Variants in HMCN2 observed in about 807,000 individuals in gnomAD.
HMCN2 encodes hemicentin 2, also known as hemicentin-2.
Under a neutral mutation model 377.5 loss-of-function variants are expected in HMCN2, and 325 were observed. The observed-to-expected ratio is 0.86, with a 90% CI of 0.79 to 0.94. HMCN2 has a LOEUF of 0.94. HMCN2 is among the 40% of genes least tolerant of loss of function. The pLI, the probability that HMCN2 is intolerant of heterozygous loss-of-function variation, is 0.00. For synonymous variants in HMCN2, 2,007 were observed against 2,046.8 expected (o/e 0.98, Z 0.53); for missense variants, 4,543 against 4,725.3 (o/e 0.96, Z 1.13).
intron 22 of HMCN2, among the ~76,000 whole-genome samples, chr9:130,332,148 A>T (rs1406446142): frequency 1.3e-5 from 2 of 152,116 alleles, no homozygotes; most frequent in African/African-American, 4.8e-5. Flanking sequence ...TGGGGACTGT[A>T]CCTTGGTGGA....
intron 37 of HMCN2, 41 bp downstream of exon 37, chr9:130,359,455 A>G (rs770327765): frequency 4.5e-6 from 5 of 1,114,038 alleles, no homozygotes; most frequent in Middle Eastern, 5.0e-4. Context: ...TTCCAGCCCA[A>G]TTTACTGTCT....
At chr9:130,335,724 C>T (rs1029191057) in intron 22 of HMCN2, among the ~76,000 whole-genome samples, 88 of 152,112 alleles carry the variant, frequency 5.8e-4, no homozygotes, top group Middle Eastern at 3.4e-3. Flanking sequence ...GTCCTTGGCT[C>T]GAGGTCAGCC....
intron 30 of HMCN2, among the ~76,000 whole-genome samples, chr9:130,352,479 G>GT (rs1653732124): frequency 6.6e-6 from 1 of 152,200 alleles, no homozygotes; most frequent in African/African-American, 2.4e-5. Context: ...TGGGAGGGGC[G>GT]TAACCATTCC....
In HMCN2 at chr9:130,433,934, G is replaced by A; in HGVS notation, c.*241G>A. 1 of 443,744 alleles carries A rather than the reference G, an allele frequency of 2.3e-6. No homozygotes were observed. The highest frequency in any genetic ancestry group is 4.5e-5 in the Admixed American group (1 of 22,438). The allele number at this position is 443,744 out of a possible 1,614,324, so 27.5% of individuals were successfully genotyped here. On this transcript the variant is annotated 3_prime_UTR_variant, in exon 98 of 98. Coordinates refer to ENST00000683500, the MANE Select transcript of HMCN2 (RefSeq NM_001291815.2). ...GTGGCCAGTCCCGCAGGCAGGGCCC[G>A]GGGAAGCCCGGATCAGACCTCCAGG...
chr9:130,400,096 C>T (rs59674248), intron 76 of HMCN2, among the ~76,000 whole-genome samples: 1,868 of 152,258 alleles, frequency 0.012, 31 homozygotes, highest in African/African-American at 0.043. Context: ...TTGCCTTTGC[C>T]GGGAACACTC....
Position 130,418,899 on chromosome 9 carries a change from G to A in HMCN2, c.13089G>A (p.Leu4363=). The A allele has an allele frequency of 1.3e-6, 2 of 1,549,686 alleles. No homozygotes were observed. The highest frequency in any genetic ancestry group is 1.7e-6 in the Non-Finnish European group (2 of 1,146,418). Residue 4363 remains leucine (L), a synonymous_variant, in exon 86 of 98, where the codon TTG becomes TTA. Transcript: ENST00000683500. ...AATGGCTACAGGCGGGTCAACCCTTGCGGGCCAGCCGGCGGCTCCGGACCC... is the reference window on the plus strand; with the variant it reads ...AATGGCTACAGGCGGGTCAACCCTTACGGGCCAGCCGGCGGCTCCGGACCC... ...TIEWLQAGQP[L]RASRRLRTLP... is the part of the protein sequence containing the mutation.
chr9:130,305,358 T>TG (rs1168524431), intron 11 of HMCN2, among the ~76,000 whole-genome samples: 1 of 152,036 alleles, frequency 6.6e-6, no homozygotes, highest in African/African-American at 2.4e-5. Context: ...ACTGGAACCT[T>TG]GGGGAAGCTC....
rs574397548 is a variant in HMCN2, at chr9:130,423,471, G to A, written c.13381+745G>A. On this transcript the variant is annotated intron_variant, in intron 87 of 97. Coordinates refer to ENST00000683500, the MANE Select transcript of HMCN2 (RefSeq NM_001291815.2). The surrounding 1 kb of genome is among the most constrained non-coding windows in gnomAD (Gnocchi z 5.5). The stretch of plus-strand genomic sequence containing the variant: ...GCTGTCAGCAGACAGCAGATGAAGC[G>A]AGACGCTGCCCAGACATGGCTGCTT... 5.9e-5 allele frequency among the ~76,000 whole-genome samples: 9 copies of A among 152,358 alleles called. No homozygotes were observed. The South Asian group carries it at 1.0e-3, about 18-fold the overall frequency.
At position 130,356,269 on chromosome 9, in the gene HMCN2, C is replaced by T; in HGVS notation, c.5425+12C>T. On this transcript the variant is annotated intron_variant, in intron 34 of 97. Coordinates refer to ENST00000683500, the MANE Select transcript of HMCN2 (RefSeq NM_001291815.2). Reference sequence around the variant, plus strand: ...GGTGTCTGTGCATGGTGAGTGGGCGCCTGGGGTTCTGGAGCTGTGGGCAGC... The same window carrying T: ...GGTGTCTGTGCATGGTGAGTGGGCGTCTGGGGTTCTGGAGCTGTGGGCAGC... 1 of 1,286,682 alleles carries T rather than the reference C, an allele frequency of 7.8e-7. No individual in the cohort carries two copies. The highest frequency in any genetic ancestry group is 1.3e-5 in the South Asian group (1 of 78,316). The allele number at this position is 1,286,682 out of a possible 1,614,324, so 79.7% of individuals were successfully genotyped here. A position where few individuals can be genotyped will look rare whatever the true frequency, so the allele number is the denominator to read the frequency against.
intron 93 of HMCN2, 23 bp from the exon 94 acceptor site, chr9:130,429,534 C>T: frequency 6.5e-7 from 1 of 1,550,266 alleles, no homozygotes; most frequent in South Asian, 1.2e-5. Flanking sequence ...CTCCCCACCA[C>T]CGACCATGCC....
rs1836730377 is a variant in HMCN2 at position 130,304,587 on chromosome 9, T to G, written c.1544-143T>G. The stretch of plus-strand genomic sequence containing the variant: ...TGGTGAGCAGATGCTGGTCACCCTA[T>G]GCTGCTAGCTGACATGTCCTGAATG... On this transcript the variant is annotated intron_variant, in intron 10 of 97. Transcript: ENST00000683500. The surrounding 1 kb of genome is among the most constrained non-coding windows in gnomAD (Gnocchi z 4.3). 2.8e-6 allele frequency: 1 copy of G among 357,542 alleles called. No individual in the cohort carries two copies. The highest frequency in any genetic ancestry group is 5.6e-6 in the Non-Finnish European group (1 of 177,892). 22.1% of individuals were successfully genotyped at this position (357,542 alleles called of 1,614,324 possible).
At position 130,342,604 on chromosome 9, in the gene HMCN2, T is replaced by C. The variant is rs972352517; in HGVS notation, c.3829+168T>C. ...TCCCATTGTCAACCCTGCAGGATGG[T>C]GTTATTGCCCCTTTTGATTAGGGGC... On this transcript the variant is annotated intron_variant, in intron 25 of 97. Transcript: ENST00000683500. 2.4e-3 allele frequency among the ~76,000 whole-genome samples: 367 copies of C among 152,254 alleles called. 7 individuals carry two copies. The East Asian group carries it at 0.053, about 22-fold the overall frequency.
rs559496122 is a variant in HMCN2 at position 130,376,519 on chromosome 9, C to G, written c.7922C>G (p.Pro2641Arg). 3.0e-6 allele frequency: 3 copies of G among 985,880 alleles called. No homozygotes were observed. The East Asian group carries it at 3.4e-4, about 112-fold the overall frequency. The allele number at this position is 985,880 out of a possible 1,614,324, so 61.1% of individuals were successfully genotyped here. A position where few individuals can be genotyped will look rare whatever the true frequency, so the allele number is the denominator to read the frequency against. The change falls in exon 52 of 98, where the codon CCC becomes CGC. Residue 2641 changes from proline to arginine, a missense_variant. By Grantham distance (103) the Pro-to-Arg change is moderately radical. Coordinates refer to ENST00000683500, the MANE Select transcript of HMCN2 (RefSeq NM_001291815.2). ...TCAGACCCCTCGTGCTTTTCAGTCC[C>G]CCCTTCCATCTCCAAAGACGACCCC... ...VKNYHVEVLI[P>R]PSISKDDPLA...
At position 130,302,868 on chromosome 9, in the gene HMCN2, G is replaced by T; in HGVS notation, c.1288G>T (p.Val430Phe). 2.1e-6 allele frequency: 1 copy of T among 467,320 alleles called. No individual in the cohort carries two copies. Among genetic ancestry groups the T allele is most frequent in the Non-Finnish European group, 4.4e-6 (1 of 224,806 alleles). 28.9% of individuals were successfully genotyped at this position (467,320 alleles called of 1,614,324 possible). Residue 430 changes from valine (V) to phenylalanine (F), a missense_variant, in exon 9 of 98, where the codon GTC becomes TTC. By Grantham distance (50) the Val-to-Phe change is conservative (BLOSUM62 -1). Coordinates refer to ENST00000683500, the MANE Select transcript of HMCN2 (RefSeq NM_001291815.2). ...GTCCCCGCCTACAGGCGCTCCCCTC[G>T]TCAGCATGGCCCCCAGGATCCATGG... ...YSGVAPGAPL[V>F]SMAPRIHGYL...
At chr9:130,410,901 C>G (rs746425839) in intron 85 of HMCN2, among the ~76,000 whole-genome samples, 10 of 152,170 alleles carry the variant, frequency 6.6e-5, no homozygotes, top group Admixed American at 2.6e-4. Flanking sequence ...GACCAGCCGT[C>G]AAGATCACCG....
intron 84 of HMCN2, 63 bp from the exon 85 acceptor site, chr9:130,410,508 A>G (rs1843351820): frequency 6.8e-7 from 1 of 1,479,216 alleles, no homozygotes; most frequent in South Asian, 1.2e-5. Flanking sequence ...CCCCTACCCA[A>G]CTGTCTGAGC....
chr9:130,401,018 G>C, intron 77 of HMCN2, 71 bp downstream of exon 77: 1 of 1,201,240 alleles, frequency 8.3e-7, no homozygotes, highest in Non-Finnish European at 1.1e-6. Flanking sequence ...GGGGTGAAAG[G>C]TCACATGGCG....
At chr9:130,280,976 G>T (rs1309145211) in intron 1 of HMCN2, among the ~76,000 whole-genome samples, 1 of 151,876 alleles carries the variant, frequency 6.6e-6, no homozygotes, top group South Asian at 2.1e-4. Flanking sequence ...GGTGACAGGC[G>T]CCTGTAATCC....
In HMCN2 at chr9:130,369,481, G is replaced by A. The variant is rs1840893879; in HGVS notation, c.6788-89G>A. The A allele has an allele frequency of 1.4e-6, 1 of 728,710 alleles. No homozygotes were observed. The highest frequency in any genetic ancestry group is 1.9e-5 in the African/African-American group (1 of 52,198). The allele number at this position is 728,710 out of a possible 1,614,324, so 45.1% of individuals were successfully genotyped here. On this transcript the variant is annotated intron_variant, in intron 44 of 97. Coordinates refer to ENST00000683500, the MANE Select transcript of HMCN2 (RefSeq NM_001291815.2). This position sits in a 1 kb window ranked among gnomAD's most constrained non-coding sequence, Gnocchi z 4.5. The stretch of plus-strand genomic sequence containing the variant: ...CACAGCCAGCGATGGCAAGGGGAGA[G>A]GGTGTGTCCCTATTGGGCCCGGGGT...
Sources: allele counts gnomAD v4.1 joint callset (sites outside exome capture counted in the v4.1 genomes callset), GRCh38; gene constraint gnomAD v4.1.1; non-coding constraint Gnocchi (gnomAD v3.1); transcripts MANE v1.5; gene names NCBI Gene and HGNC (gene_info 2026-07-23, HGNC 2026-07-21).